The following DHX9 variants were observed in gnomAD, a reference collection of about 807,000 sequenced individuals.
DHX9 encodes the protein DExH-box helicase 9.
A neutral mutation model predicts 148.7 loss-of-function variants in DHX9; 27 were observed. That is an observed-to-expected ratio of 0.18 (90% CI 0.13 to 0.25). DHX9 has a LOEUF of 0.25. DHX9 is among the 10% of genes least tolerant of loss of function. The pLI, the probability that DHX9 is intolerant of heterozygous loss-of-function variation, is 1.00. For missense variants in DHX9, 796 were observed against 1,559.6 expected, an observed-to-expected ratio of 0.51 and a Z score of 8.25; for synonymous variants, 529 against 516.6, an observed-to-expected ratio of 1.02 and a Z score of -0.33.
chr1:182,872,145 T>C (rs1195404442), intron 14 of DHX9, among the ~76,000 whole-genome samples, 192 bp from the exon 15 acceptor site: 3 of 152,200 alleles, frequency 2.0e-5, no homozygotes, highest in African/African-American at 4.8e-5. Context: ...AGGCTACAAC[T>C]GTTCTCAAAA....
At chr1:182,865,847 A>G (rs1479284527) in intron 12 of DHX9, among the ~76,000 whole-genome samples, 7 of 152,230 alleles carry the variant, frequency 4.6e-5, no homozygotes, top group East Asian at 1.9e-4. Context: ...AGTTTTCATA[A>G]AAAGATCCAA....
chr1:182,876,348 T>C, intron 17 of DHX9, 85 bp downstream of exon 17: 1 of 1,564,186 alleles, frequency 6.4e-7, no homozygotes, highest in East Asian at 2.2e-5. Context: ...AAACAAAATT[T>C]TGTATTGTTT....
At chr1:182,874,981 A>C in intron 16 of DHX9, 27 bp downstream of exon 16, 1 of 1,559,098 alleles carries the variant, frequency 6.4e-7, no homozygotes. Flanking sequence ...AAGAATTTCC[A>C]TTATGGGCAA....
At chr1:182,870,468 CAG>C (rs148084808) in intron 14 of DHX9, among the ~76,000 whole-genome samples, 2,935 of 152,164 alleles carry the variant, frequency 0.019, 102 homozygotes, top group African/African-American at 0.067. Flanking sequence ...TGGGATAAGA[CAG>C]GGCACAAAAG....
At chr1:182,858,395 A>G (rs1668293859) in intron 8 of DHX9, among the ~76,000 whole-genome samples, 155 bp downstream of exon 8, 1 of 152,222 alleles carries the variant, frequency 6.6e-6, no homozygotes, top group Non-Finnish European at 1.5e-5. Context: ...GATGTTCATA[A>G]TAGGCAGTGA....
chr1:182,873,878 T>G (rs1648654358), intron 15 of DHX9, among the ~76,000 whole-genome samples: 1 of 152,090 alleles, frequency 6.6e-6, no homozygotes, highest in African/African-American at 2.4e-5. Context: ...GAACATCTTG[T>G]CCCTTAAAGT....
intron 14 of DHX9, among the ~76,000 whole-genome samples, chr1:182,868,519 C>CTTTTTTTTTTTT (rs1557974014): frequency 4.1e-4 from 49 of 118,706 alleles, no homozygotes; most frequent in African/African-American, 2.2e-3. Flanking sequence ...TATTTTAATT[C>CTTTTTTTTTTTT]CTTTTTTTTT....
chr1:182,869,543 A>C (rs561393761), intron 14 of DHX9, among the ~76,000 whole-genome samples: 2 of 152,168 alleles, frequency 1.3e-5, no homozygotes, highest in African/African-American at 4.8e-5. Context: ...AGTCTTGCCC[A>C]GTCCTGACCG....
At chr1:182,857,495 A>T (rs1183806702) in intron 7 of DHX9, among the ~76,000 whole-genome samples, 1 of 152,208 alleles carries the variant, frequency 6.6e-6, no homozygotes, top group Non-Finnish European at 1.5e-5. Flanking sequence ...AGCTACACTC[A>T]CATTTTAGAC....
chr1:182,869,195 G>C (rs999160699), intron 14 of DHX9, among the ~76,000 whole-genome samples: 3 of 152,190 alleles, frequency 2.0e-5, no homozygotes, highest in Non-Finnish European at 1.5e-5. Context: ...AGGCTGAGGT[G>C]GATGGGTCTC....
chr1:182,869,983 A>G (rs1648489654), intron 14 of DHX9, among the ~76,000 whole-genome samples: 1 of 152,222 alleles, frequency 6.6e-6, no homozygotes, highest in African/African-American at 2.4e-5. Context: ...GCACTTACAG[A>G]CCAATTACTA....
At position 182,872,325 on chromosome 1, in the gene DHX9, G is replaced by T. The variant is rs373626916; in HGVS notation, c.1558-12G>T. Reference sequence around the variant, plus strand: ...ATGTAATTTCAAAAATTTTGTGTTTGTTTTTTAATAGACTGACTTCCTTTT... The same window carrying T: ...ATGTAATTTCAAAAATTTTGTGTTTTTTTTTTAATAGACTGACTTCCTTTT... On this transcript the variant is annotated splice_polypyrimidine_tract_variant and intron_variant, in intron 14 of 27. Transcript: ENST00000367549. 3.3e-4 allele frequency: 534 copies of T among 1,596,142 alleles called. 4 individuals are homozygous for T. The South Asian group carries it at 5.8e-3, about 17-fold the overall frequency.
rs764534972 is a variant in DHX9 at position 182,853,355 on chromosome 1, C to G, written c.414C>G (p.Thr138=). ...CTGGCTATGGTGTTCCTGGGCCCAC[C>G]TGGGACCGAGGAGCCAACTTGAAGG... is the stretch of plus-strand genomic sequence containing the variant. The part of the protein sequence containing the change: ...GASGYGVPGP[T]WDRGANLKDY... The change falls in exon 5 of 28, where the codon ACC becomes ACG. Residue 138 remains threonine (T), a synonymous_variant. Transcript: ENST00000367549. The G allele has an allele frequency of 3.7e-6, 6 of 1,614,008 alleles. No individual in the cohort carries two copies. The highest frequency in any genetic ancestry group is 4.2e-6 in the Non-Finnish European group (5 of 1,179,984).
intron 1 of DHX9, among the ~76,000 whole-genome samples, chr1:182,840,521 ATC>A (rs1425791250): frequency 1.3e-5 from 2 of 152,038 alleles, no homozygotes; most frequent in Admixed American, 6.5e-5. Context: ...GATGGTCTCG[ATC>A]TCTCGACCTC....
intron 3 of DHX9, among the ~76,000 whole-genome samples, chr1:182,845,422 G>GT (rs1668010674): frequency 6.9e-6 from 1 of 144,356 alleles, no homozygotes. Context: ...CTTTTGGTAT[G>GT]TAAGTGGAAA....
intron 22 of DHX9, 110 bp downstream of exon 22, chr1:182,880,718 GTTC>G (rs1384917217): frequency 1.5e-6 from 1 of 682,888 alleles, no homozygotes; most frequent in African/African-American, 1.8e-5. Flanking sequence ...AATCCTAAAT[GTTC>G]TTCAGGGAAG....
At chr1:182,881,195 A>AT in intron 22 of DHX9, 69 bp from the exon 23 acceptor site, 1 of 1,501,158 alleles carries the variant, frequency 6.7e-7, no homozygotes, top group Non-Finnish European at 9.0e-7. Flanking sequence ...CACAGTCGAC[A>AT]GTCCTACCTG....
intron 14 of DHX9, among the ~76,000 whole-genome samples, chr1:182,869,744 G>A (rs746139355): frequency 1.4e-4 from 22 of 152,158 alleles, no homozygotes; most frequent in Non-Finnish European, 2.9e-4. Context: ...GATTGTAGGC[G>A]CCTGCCACCA....
intron 12 of DHX9, among the ~76,000 whole-genome samples, chr1:182,860,831 T>G (rs1437914629): frequency 6.6e-6 from 1 of 152,238 alleles, no homozygotes; most frequent in Non-Finnish European, 1.5e-5. Context: ...AAGAACTGAT[T>G]AGCTCTTCTA....
Sources: allele counts gnomAD v4.1 joint callset (sites outside exome capture counted in the v4.1 genomes callset), GRCh38; gene constraint gnomAD v4.1.1; transcripts MANE v1.5; gene names NCBI Gene and HGNC (gene_info 2026-07-23, HGNC 2026-07-21).